The following RALGAPA2 variants were observed in gnomAD, a reference collection of about 807,000 sequenced individuals.
RALGAPA2 encodes Ral GTPase activating protein catalytic subunit alpha 2.
RALGAPA2 carries 139 observed loss-of-function variants against 230.4 expected under a neutral mutation model. The ratio of observed to expected loss-of-function variants is 0.60; its 90% CI spans 0.53 to 0.69. The LOEUF (loss-of-function observed/expected upper bound fraction) is 0.69. Among genes scored for constraint, RALGAPA2 ranks in the 30% least tolerant of loss-of-function variants. The probability of loss-of-function intolerance (pLI) is 0.00; values close to 1 mark genes in which losing one functional copy is unlikely to be tolerated. For missense variants in RALGAPA2, 2,163 were observed against 2,276.0 expected, an observed-to-expected ratio of 0.95 and a Z score of 1.01; for synonymous variants, 847 against 837.8, an observed-to-expected ratio of 1.01 and a Z score of -0.19.
chr20:20,587,733 T>G (rs559004400), intron 18 of RALGAPA2, among the ~76,000 whole-genome samples: 2 of 152,020 alleles, frequency 1.3e-5, no homozygotes, highest in Non-Finnish European at 2.9e-5. Flanking sequence ...AGAAGATATT[T>G]GCTACAAACA....
intron 36 of RALGAPA2, among the ~76,000 whole-genome samples, chr20:20,481,921 G>A (rs1223299523): frequency 6.6e-6 from 1 of 152,110 alleles, no homozygotes; most frequent in African/African-American, 2.4e-5. Flanking sequence ...AAAGCGTGTT[G>A]CAAATAGTAC....
chr20:20,492,841 T>C (rs2062099371), intron 36 of RALGAPA2, among the ~76,000 whole-genome samples: 1 of 152,194 alleles, frequency 6.6e-6, no homozygotes, highest in African/African-American at 2.4e-5. Flanking sequence ...GATAATTATA[T>C]TGCTTAATTA....
At chr20:20,705,602 A>C (rs2069567044) in intron 1 of RALGAPA2, among the ~76,000 whole-genome samples, 3 of 152,158 alleles carry the variant, frequency 2.0e-5, no homozygotes, top group Non-Finnish European at 4.4e-5. Flanking sequence ...TCTTTTAAAA[A>C]ATTTTTAAAA....
At chr20:20,524,969 C>T (rs2063157193) in intron 28 of RALGAPA2, 71 bp from the exon 29 acceptor site, 1 of 1,388,992 alleles carries the variant, frequency 7.2e-7, no homozygotes, top group Admixed American at 2.3e-5. Context: ...GTTAGGAGTC[C>T]CACGATGGCC....
chr20:20,517,155 A>C (rs2062898287), intron 31 of RALGAPA2, among the ~76,000 whole-genome samples: 1 of 152,212 alleles, frequency 6.6e-6, no homozygotes, highest in South Asian at 2.1e-4. Flanking sequence ...TCCTCACAGA[A>C]GCACTCTCCA....
chr20:20,543,120 C>T (rs1171433125), intron 24 of RALGAPA2, among the ~76,000 whole-genome samples: 2 of 152,048 alleles, frequency 1.3e-5, no homozygotes, highest in African/African-American at 2.4e-5. Flanking sequence ...TCTTGACTTG[C>T]TGCAATCTCC....
chr20:20,597,357 C>T (rs1425603181), intron 16 of RALGAPA2, among the ~76,000 whole-genome samples: 1 of 152,088 alleles, frequency 6.6e-6, no homozygotes, highest in African/African-American at 2.4e-5. Flanking sequence ...TTCCCATGTA[C>T]CATTCTTACT....
chr20:20,690,069 A>G (rs548745629), intron 1 of RALGAPA2, among the ~76,000 whole-genome samples: 154 of 152,336 alleles, frequency 1.0e-3, no homozygotes, highest in Non-Finnish European at 1.8e-3. Context: ...ACCAAAAGAC[A>G]TAAGTGTATT....
At chr20:20,528,920 T>G (rs2063297829) in intron 27 of RALGAPA2, among the ~76,000 whole-genome samples, 1 of 152,218 alleles carries the variant, frequency 6.6e-6, no homozygotes, top group African/African-American at 2.4e-5. Context: ...CATCTCTCCC[T>G]CCTGGCAGAG....
intron 37 of RALGAPA2, among the ~76,000 whole-genome samples, chr20:20,465,522 G>A (rs578210510): frequency 8.5e-5 from 13 of 152,290 alleles, no homozygotes; most frequent in South Asian, 4.1e-4. Context: ...AGAGAGGGGG[G>A]AAAGAGAGAA....
At chr20:20,598,626 A>G (rs1362268895) in intron 16 of RALGAPA2, 23 of 415,644 alleles carry the variant, frequency 5.5e-5, no homozygotes, top group Non-Finnish European at 1.1e-4. Flanking sequence ...GCCCAGAGGC[A>G]AGCGGGAGAA....
At chr20:20,436,218 A>C (rs1416751174) in intron 37 of RALGAPA2, among the ~76,000 whole-genome samples, 3 of 152,160 alleles carry the variant, frequency 2.0e-5, no homozygotes, top group Non-Finnish European at 4.4e-5. Flanking sequence ...AGCCTCCAGC[A>C]TACAGTGCTT....
chr20:20,603,930 G>GA (rs1568636908), intron 15 of RALGAPA2, among the ~76,000 whole-genome samples: 2 of 152,134 alleles, frequency 1.3e-5, no homozygotes, highest in Admixed American at 6.5e-5. Context: ...AGCTTTGAAG[G>GA]AAAAATTCCT....
intron 35 of RALGAPA2, among the ~76,000 whole-genome samples, chr20:20,499,993 A>C (rs942173898): frequency 3.9e-5 from 6 of 152,214 alleles, no homozygotes; most frequent in Non-Finnish European, 7.3e-5. Context: ...CATAAAACTT[A>C]TGTTTACTAT....
intron 36 of RALGAPA2, among the ~76,000 whole-genome samples, chr20:20,474,297 C>T (rs938155635): frequency 2.0e-4 from 30 of 151,898 alleles, no homozygotes; most frequent in African/African-American, 7.0e-4. Flanking sequence ...TGGGGCCAAG[C>T]GAGAAAAAGG....
chr20:20,396,822 A>C, intron 38 of RALGAPA2, 88 bp from the exon 39 acceptor site: 1 of 1,137,852 alleles, frequency 8.8e-7, no homozygotes, highest in Non-Finnish European at 1.3e-6. Context: ...CTAATAATAC[A>C]TTTATCCCTG....
rs745551182 is a variant in RALGAPA2, at chr20:20,503,492, G to C, written c.5067C>G (p.Thr1689=). The C allele has an allele frequency of 1.3e-5, 20 of 1,571,784 alleles. No individual in the cohort carries two copies. Among genetic ancestry groups the C allele is most frequent in the Non-Finnish European group, 1.6e-5 (19 of 1,160,486 alleles). ...AGLGWEVDLS[T]HCGFMGGLQR... The stretch of plus-strand genomic sequence containing the variant: ...GAAGGCCACCCATGAACCCACAGTG[G>C]GTGGAGAGATCCACCTGACAAAGGT... Residue 1689 remains threonine, a synonymous_variant, in exon 35 of 40, where the codon ACC becomes ACG. Transcript: ENST00000202677.
At chr20:20,431,544 T>G (rs1458409143) in intron 37 of RALGAPA2, among the ~76,000 whole-genome samples, 4 of 152,186 alleles carry the variant, frequency 2.6e-5, no homozygotes, top group African/African-American at 9.7e-5. Flanking sequence ...TATATAATTT[T>G]AAAATGTATG....
intron 3 of RALGAPA2, among the ~76,000 whole-genome samples, chr20:20,667,359 C>T (rs141088636): frequency 2.8e-4 from 43 of 152,294 alleles, no homozygotes; most frequent in African/African-American, 9.6e-4. Flanking sequence ...GATTCCACTA[C>T]ATCCCTGGAT....
Sources: allele counts gnomAD v4.1 joint callset (sites outside exome capture counted in the v4.1 genomes callset), GRCh38; gene constraint gnomAD v4.1.1; transcripts MANE v1.5; gene names NCBI Gene and HGNC (gene_info 2026-07-23, HGNC 2026-07-21).